The following RIMS2 variants were observed in gnomAD, a reference collection of about 807,000 sequenced individuals.
The protein encoded by RIMS2 is regulating synaptic membrane exocytosis protein 2.
Under a neutral mutation model 174.4 loss-of-function variants are expected in RIMS2, and 59 were observed. The observed-to-expected ratio is 0.34, with a 90% CI of 0.27 to 0.42. The LOEUF is 0.42. Among genes scored for constraint, RIMS2 ranks in the 10% least tolerant of loss-of-function variants. RIMS2 has a pLI of 1.00. For synonymous variants in RIMS2, 606 were observed against 572.5 expected, an observed-to-expected ratio of 1.06 and a Z score of -0.84; for missense variants, 1,620 against 1,666.3, an observed-to-expected ratio of 0.97 and a Z score of 0.48.
intron 3 of RIMS2, among the ~76,000 whole-genome samples, chr8:103,868,979 C>G (rs2099096842): frequency 6.6e-6 from 1 of 151,994 alleles, no homozygotes; most frequent in African/African-American, 2.4e-5. Flanking sequence ...ACTGCAAGTA[C>G]TTATTTTATG....
chr8:103,968,738 G>A (rs901992491), intron 15 of RIMS2, among the ~76,000 whole-genome samples: 1 of 151,798 alleles, frequency 6.6e-6, no homozygotes, highest in African/African-American at 2.4e-5. Context: ...TTATCTGTTA[G>A]ATAAATTAAG....
intron 1 of RIMS2, among the ~76,000 whole-genome samples, chr8:103,606,004 G>T (rs985233464): frequency 6.9e-6 from 1 of 145,414 alleles, no homozygotes; most frequent in African/African-American, 2.6e-5. Flanking sequence ...ATTTCCTTCA[G>T]TTCTGCTCTG....
chr8:103,634,589 C>T (rs920124823), intron 1 of RIMS2, among the ~76,000 whole-genome samples: 1 of 152,126 alleles, frequency 6.6e-6, no homozygotes, highest in Non-Finnish European at 1.5e-5. Flanking sequence ...GTTTTCTTGT[C>T]AGTGATCTGT....
intron 4 of RIMS2, among the ~76,000 whole-genome samples, chr8:103,900,295 C>G (rs1448911991): frequency 6.6e-6 from 1 of 151,620 alleles, no homozygotes; most frequent in Admixed American, 6.6e-5. Flanking sequence ...GTGATCTCAG[C>G]TCACTACAGT....
chr8:103,850,753 A>G (rs2098993433), intron 3 of RIMS2, among the ~76,000 whole-genome samples: 1 of 152,070 alleles, frequency 6.6e-6, no homozygotes, highest in Non-Finnish European at 1.5e-5. Context: ...GGTAAGTCAT[A>G]TATTTTTAAT....
At chr8:103,930,705 A>C (rs955196829) in intron 11 of RIMS2, among the ~76,000 whole-genome samples, 1 of 152,154 alleles carries the variant, frequency 6.6e-6, no homozygotes, top group African/African-American at 2.4e-5. Context: ...AAAATTTTAA[A>C]GATGAATTCA....
chr8:103,655,770 A>G (rs985166558), intron 1 of RIMS2, among the ~76,000 whole-genome samples: 2 of 152,216 alleles, frequency 1.3e-5, no homozygotes, highest in South Asian at 4.1e-4. Context: ...GGTGTAGTAT[A>G]GTAGATGAGA....
intron 19 of RIMS2, among the ~76,000 whole-genome samples, chr8:104,216,887 A>G (rs902818547): frequency 3.9e-5 from 6 of 152,174 alleles, no homozygotes; most frequent in Non-Finnish European, 5.9e-5. Flanking sequence ...ATATGCATCA[A>G]TTTTCTTGTC....
Position 104,068,355 on chromosome 8 carries a change from A to G in RIMS2, c.3334+53740A>G, listed in dbSNP as rs542254890. Among the ~76,000 whole-genome samples the G allele has an allele frequency of 2.6e-5, 4 of 152,306 alleles. No homozygotes were observed. The South Asian group carries it at 8.3e-4, about 32-fold the overall frequency. On this transcript the variant is annotated intron_variant, in intron 19 of 23. Transcript: ENST00000504942. ...TTTTACTTATGAAATTGTATACTTT[A>G]AATAAATCTGTAAAATAATATGACA...
At chr8:103,688,687 G>A (rs1224087193) in intron 1 of RIMS2, among the ~76,000 whole-genome samples, 1 of 151,816 alleles carries the variant, frequency 6.6e-6, no homozygotes, top group Non-Finnish European at 1.5e-5. Context: ...ATTGGTATTA[G>A]TTCATAGTAG....
chr8:103,553,261 C>G (rs892953474), intron 1 of RIMS2, among the ~76,000 whole-genome samples: 10 of 152,106 alleles, frequency 6.6e-5, no homozygotes, highest in Non-Finnish European at 1.5e-4. Flanking sequence ...GAATACTGTG[C>G]AGCCATTAAA....
intron 19 of RIMS2, among the ~76,000 whole-genome samples, chr8:104,132,948 T>A (rs1056185863): frequency 1.6e-4 from 25 of 152,120 alleles, no homozygotes; most frequent in African/African-American, 6.0e-4. Context: ...ACCAAAAACT[T>A]TGTGTTTTAA....
At chr8:104,201,186 G>A (rs1166192004) in intron 19 of RIMS2, among the ~76,000 whole-genome samples, 2 of 151,996 alleles carry the variant, frequency 1.3e-5, no homozygotes, top group East Asian at 1.9e-4. Context: ...TTGTGTCTAT[G>A]TGTACTCAAG....
rs575322953 is a variant in RIMS2, at chr8:103,975,517, C to G, written c.2927+11C>G. ...CCCTCCTCCACAAAGGTAAGATAGA[C>G]TACTTATTTTATTTGTAGGGTGGCT... On this transcript the variant is annotated intron_variant, in intron 16 of 23. Coordinates refer to ENST00000504942, the Ensembl canonical transcript of RIMS2. 1 of 1,604,422 alleles carries G rather than the reference C, an allele frequency of 6.2e-7. No individual in the cohort carries two copies. The highest frequency in any genetic ancestry group is 8.5e-7 in the Non-Finnish European group (1 of 1,172,214).
intron 19 of RIMS2, among the ~76,000 whole-genome samples, chr8:104,080,831 A>T (rs554291260): frequency 6.6e-6 from 1 of 152,172 alleles, no homozygotes; most frequent in South Asian, 2.1e-4. Flanking sequence ...AAATTTGATT[A>T]CTTCTATTGC....
At chr8:103,637,307 T>G (rs1376972582) in intron 1 of RIMS2, among the ~76,000 whole-genome samples, 2 of 152,198 alleles carry the variant, frequency 1.3e-5, no homozygotes, top group Non-Finnish European at 2.9e-5. Context: ...AATTTCACAC[T>G]AATGTGTTAA....
chr8:103,964,841 G>A (rs944793513), intron 15 of RIMS2, among the ~76,000 whole-genome samples: 2 of 151,960 alleles, frequency 1.3e-5, no homozygotes, highest in African/African-American at 2.4e-5. Flanking sequence ...AGAGTGTAAT[G>A]TCTGTGTCTA....
At chr8:103,500,886 C>T (rs1296590159) in exon 1 of RIMS2, 5 of 1,590,226 alleles carry the variant, frequency 3.1e-6, no homozygotes, top group Non-Finnish European at 4.3e-6. Flanking sequence ...CTCCACCAAA[C>T]ATGTCGGCTC....
intron 1 of RIMS2, among the ~76,000 whole-genome samples, chr8:103,520,404 ATT>A (rs1263819694): frequency 6.6e-6 from 1 of 152,108 alleles, no homozygotes; most frequent in Admixed American, 6.6e-5. Flanking sequence ...TCATCTGAGT[ATT>A]TGTCCTTGAA....
Sources: allele counts gnomAD v4.1 joint callset (sites outside exome capture counted in the v4.1 genomes callset), GRCh38; gene constraint gnomAD v4.1.1; transcripts MANE v1.5; gene names NCBI Gene and HGNC (gene_info 2026-07-23, HGNC 2026-07-21).